SAMD12: variants seen among roughly 807,000 people sequenced by gnomAD.
The protein encoded by SAMD12 is sterile alpha motif domain-containing protein 12.
A neutral mutation model predicts 15.0 loss-of-function variants in SAMD12; 9 were observed. That is an observed-to-expected ratio of 0.60 (90% CI 0.36 to 1.05). The LOEUF is 1.05. SAMD12 is among the 50% of genes least tolerant of loss of function. The pLI is 0.01. For synonymous variants in SAMD12, 86 were observed against 90.1 expected, an observed-to-expected ratio of 0.96 and a Z score of 0.25; for missense variants, 230 against 234.2, an observed-to-expected ratio of 0.98 and a Z score of 0.12.
intron 1 of SAMD12, among the ~76,000 whole-genome samples, chr8:118,596,149 C>G (rs566325368): frequency 3.9e-5 from 6 of 152,350 alleles, no homozygotes; most frequent in Admixed American, 2.6e-4. Context: ...TTTGTTTACA[C>G]AGCAGGCCCC....
At chr8:118,199,891 AT>A (rs892012658) in intron 4 of SAMD12, among the ~76,000 whole-genome samples, 1 of 152,164 alleles carries the variant, frequency 6.6e-6, no homozygotes, top group African/African-American at 2.4e-5. Flanking sequence ...CTATATCCAA[AT>A]GATATGGTTT....
chr8:118,355,356 A>C (rs953164320), intron 4 of SAMD12, among the ~76,000 whole-genome samples: 2 of 152,164 alleles, frequency 1.3e-5, no homozygotes, highest in African/African-American at 4.8e-5. Flanking sequence ...AATGCATAAG[A>C]ATGACACAAT....
intron 2 of SAMD12, among the ~76,000 whole-genome samples, chr8:118,528,971 G>T (rs1435618027): frequency 6.6e-6 from 1 of 152,074 alleles, no homozygotes; most frequent in Non-Finnish European, 1.5e-5. Context: ...AAGACAAGAG[G>T]AAGAAAAAAA....
chr8:118,273,534 T>C (rs1032794482), intron 4 of SAMD12, among the ~76,000 whole-genome samples: 2 of 152,136 alleles, frequency 1.3e-5, no homozygotes, highest in Admixed American at 1.3e-4. Context: ...AGATCCACAA[T>C]AACAGACTGG....
chr8:118,290,043 A>G (rs1814278521), intron 4 of SAMD12, among the ~76,000 whole-genome samples: 2 of 152,216 alleles, frequency 1.3e-5, no homozygotes, highest in Admixed American at 6.5e-5. Context: ...TTTTCACACT[A>G]AAAGACTCAA....
chr8:118,179,509 C>T, the SAMD12 span, among the ~76,000 whole-genome samples: 3 of 150,200 alleles, frequency 2.0e-5, no homozygotes, highest in African/African-American at 7.4e-5. Context: ...TGGCCAGGTA[C>T]GAGGGGTAGT....
At chr8:118,397,170 G>A (rs1410891209) in intron 3 of SAMD12, among the ~76,000 whole-genome samples, 13 of 152,158 alleles carry the variant, frequency 8.5e-5, no homozygotes, top group African/African-American at 3.1e-4. Context: ...CTGGTTTGAG[G>A]TTTTAGCTTG....
intron 4 of SAMD12, among the ~76,000 whole-genome samples, chr8:118,198,841 T>A (rs1185104500): frequency 1.3e-5 from 2 of 152,150 alleles, no homozygotes; most frequent in African/African-American, 4.8e-5. Flanking sequence ...TGAAAATGCA[T>A]ATGCCTAAAT....
At chr8:118,308,765 A>T (rs781609027) in intron 4 of SAMD12, among the ~76,000 whole-genome samples, 1 of 151,992 alleles carries the variant, frequency 6.6e-6, no homozygotes, top group Non-Finnish European at 1.5e-5. Context: ...CCTCTACTGC[A>T]CAGATGGCAA....
chr8:118,458,039 G>C (rs1013466085), intron 2 of SAMD12, among the ~76,000 whole-genome samples: 5 of 152,140 alleles, frequency 3.3e-5, no homozygotes, highest in African/African-American at 1.2e-4. Context: ...CCATGGAAGT[G>C]CTTAACAAAC....
At chr8:118,557,866 T>G (rs2131202479) in intron 2 of SAMD12, among the ~76,000 whole-genome samples, 1 of 152,286 alleles carries the variant, frequency 6.6e-6, no homozygotes, top group South Asian at 2.1e-4. Flanking sequence ...TCTACCTTTT[T>G]AAGCTTAGCA....
At chr8:118,505,181 C>T (rs1824889040) in intron 2 of SAMD12, among the ~76,000 whole-genome samples, 1 of 152,150 alleles carries the variant, frequency 6.6e-6, no homozygotes, top group African/African-American at 2.4e-5. Context: ...AATAAGATGG[C>T]ATCACGATGG....
chr8:118,162,041 T>C, the SAMD12 span, among the ~76,000 whole-genome samples: 1 of 151,104 alleles, frequency 6.6e-6, no homozygotes, highest in Non-Finnish European at 1.5e-5. Flanking sequence ...ATGCCTGTAG[T>C]CCCAGCTACT....
At chr8:118,163,536 C>T in the SAMD12 span, among the ~76,000 whole-genome samples, 18 of 152,106 alleles carry the variant, frequency 1.2e-4, no homozygotes, top group African/African-American at 4.3e-4. Flanking sequence ...TAGGACATAC[C>T]CATGCCTTTG....
At chr8:118,169,877 G>A in the SAMD12 span, among the ~76,000 whole-genome samples, 2 of 152,110 alleles carry the variant, frequency 1.3e-5, no homozygotes. Flanking sequence ...CCCACTTGTG[G>A]TTAAGTGTGT....
chr8:118,134,393 T>C, the SAMD12 span, among the ~76,000 whole-genome samples: 1 of 152,242 alleles, frequency 6.6e-6, no homozygotes, highest in Non-Finnish European at 1.5e-5. Flanking sequence ...CAATGACAAA[T>C]TCAATAGGGG....
At chr8:118,355,302 T>C (rs1818177133) in intron 4 of SAMD12, among the ~76,000 whole-genome samples, 1 of 152,162 alleles carries the variant, frequency 6.6e-6, no homozygotes, top group Admixed American at 6.5e-5. Context: ...AGCCAAACAT[T>C]GTATGTTCTC....
At chr8:118,410,382 G>A (rs1260128486) in intron 3 of SAMD12, among the ~76,000 whole-genome samples, 1 of 152,152 alleles carries the variant, frequency 6.6e-6, no homozygotes, top group Non-Finnish European at 1.5e-5. Flanking sequence ...TGCATTAATG[G>A]TCCATACAGT....
At chr8:118,163,749 C>T in the SAMD12 span, among the ~76,000 whole-genome samples, 5 of 152,140 alleles carry the variant, frequency 3.3e-5, no homozygotes, top group Admixed American at 2.6e-4. Context: ...GTGGCGGGCG[C>T]CTGTAGTCCC....
Sources: gnomAD v4.1 joint callset for allele counts (sites outside exome capture counted in the v4.1 genomes callset) on GRCh38, gnomAD v4.1.1 for gene constraint, MANE v1.5 for transcripts, NCBI Gene and HGNC (gene_info 2026-07-23, HGNC 2026-07-21) for gene names.